KLHL20: variants seen among roughly 807,000 people sequenced by gnomAD.
The protein encoded by KLHL20 is kelch-like protein 20.
In KLHL20, 29 loss-of-function variants were observed where a neutral mutation model predicts 69.5. That is an observed-to-expected ratio of 0.42 (90% CI 0.31 to 0.57). KLHL20 has a LOEUF of 0.57. Ranked by LOEUF, KLHL20 falls within the 20% of genes least tolerant of loss-of-function variation. The pLI is 0.18. For synonymous variants in KLHL20, 253 were observed against 265.2 expected, an observed-to-expected ratio of 0.95 and a Z score of 0.45; for missense variants, 419 against 776.0, an observed-to-expected ratio of 0.54 and a Z score of 5.47.
chr1:173,762,637 G>A (rs528598259), intron 7 of KLHL20, among the ~76,000 whole-genome samples: 18 of 152,250 alleles, frequency 1.2e-4, no homozygotes, highest in African/African-American at 4.1e-4. Flanking sequence ...AAAATCACAT[G>A]GTCATGTCAA....
rs377119958 is a variant in KLHL20 at position 173,755,894 on chromosome 1, T to C, written c.852-29T>C. ...TTAACTAACAATGTAATTTAGATATTTGGAATAAAGGCAGAATTTTTTCTA... is the reference window on the plus strand; with the variant it reads ...TTAACTAACAATGTAATTTAGATATCTGGAATAAAGGCAGAATTTTTTCTA... On this transcript the variant is annotated intron_variant, in intron 5 of 11. Transcript: ENST00000209884. The C allele has an allele frequency of 4.2e-6, 6 of 1,439,536 alleles. No individual in the cohort carries two copies. The African/African-American group carries it at 8.5e-5, about 20-fold the overall frequency. The allele number at this position is 1,439,536 out of a possible 1,614,324, so 89.2% of individuals were successfully genotyped here.
chr1:173,751,088 C>T (rs1160181649), intron 3 of KLHL20, among the ~76,000 whole-genome samples: 1 of 152,062 alleles, frequency 6.6e-6, no homozygotes, highest in African/African-American at 2.4e-5. Flanking sequence ...CTTTCCTCTG[C>T]GTTGCACCCT....
intron 3 of KLHL20, among the ~76,000 whole-genome samples, chr1:173,751,394 T>C (rs922870721): frequency 2.6e-5 from 4 of 152,210 alleles, no homozygotes; most frequent in African/African-American, 2.4e-5. Flanking sequence ...TTTTCTGCCC[T>C]AGACACTGCC....
intron 2 of KLHL20, among the ~76,000 whole-genome samples, chr1:173,724,899 T>C (rs1028526749): frequency 6.6e-6 from 1 of 152,210 alleles, no homozygotes; most frequent in Admixed American, 6.5e-5. Flanking sequence ...TACTTAAAGG[T>C]AATTCTGAAA....
Position 173,774,507 on chromosome 1 carries a change from A to G in KLHL20, c.1429+69A>G, listed in dbSNP as rs1648325515. 3.9e-6 allele frequency: 6 copies of G among 1,532,940 alleles called. No individual in the cohort carries two copies. The African/African-American group carries it at 4.1e-5, about 10-fold the overall frequency. The allele number at this position is 1,532,940 out of a possible 1,614,324, so 95.0% of individuals were successfully genotyped here. On this transcript the variant is annotated intron_variant, in intron 9 of 11. Coordinates refer to ENST00000209884, the MANE Select transcript of KLHL20 (RefSeq NM_014458.4). ...ATTTTCCTGGAGAGTCCTCCTACAA[A>G]ACGTGTAGAAACTCCAGGTTATCCT...
chr1:173,717,239 A>G (rs1671509769), intron 2 of KLHL20, among the ~76,000 whole-genome samples: 1 of 152,218 alleles, frequency 6.6e-6, no homozygotes, highest in Admixed American at 6.5e-5. Flanking sequence ...AGAGCTTATT[A>G]TTTTTTAAAA....
intron 10 of KLHL20, 127 bp downstream of exon 10, chr1:173,775,969 A>G: frequency 1.4e-6 from 1 of 728,572 alleles, no homozygotes; most frequent in Non-Finnish European, 2.3e-6. Flanking sequence ...ACCTAGCAGT[A>G]AGATTGCTGG....
In KLHL20 at chr1:173,727,206, G is replaced by GA. The variant is rs757738068; in HGVS notation, c.24-6496dup. Among the ~76,000 whole-genome samples, 438 of 142,532 alleles carry GA rather than the reference G, an allele frequency of 3.1e-3. 1 individual carries two copies. The highest frequency in any genetic ancestry group is 0.014 in the Middle Eastern group (4 of 280). The allele number at this position is 142,532 out of a possible 152,430, so 93.5% of individuals were successfully genotyped here. A position where few individuals can be genotyped will look rare whatever the true frequency, so the allele number is the denominator to read the frequency against. ...AAGAGAAGTTTAGAGAAAAAAGAAT[G>GA]AAAAAAAAAAACGAGCAAAGCCTCC... On this transcript the variant is annotated intron_variant, in intron 2 of 11. Coordinates refer to ENST00000209884, the MANE Select transcript of KLHL20 (RefSeq NM_014458.4).
At chr1:173,751,729 A>G (rs764252328) in intron 3 of KLHL20, 35 bp from the exon 4 acceptor site, 2 of 1,604,352 alleles carry the variant, frequency 1.2e-6, no homozygotes, top group South Asian at 1.1e-5. Context: ...ATGTGATCAC[A>G]GGATTTTTTT....
In KLHL20 at chr1:173,751,910, T is replaced by C; in HGVS notation, c.744T>C (p.Pro248=). Residue 248 remains proline (P), a synonymous_variant, in exon 4 of 12, where the codon CCT becomes CCC. Coordinates refer to ENST00000209884, the MANE Select transcript of KLHL20 (RefSeq NM_014458.4). ...AATACAGTATTCAGGAAAGACGTCC[T>C]CAATTACCCCAGGTAATGATAGAAA... The part of the protein sequence containing the change: ...WVKYSIQERR[P]QLPQVLQHVR... 6.2e-7 allele frequency: 1 copy of C among 1,613,788 alleles called. No homozygotes were observed. Among genetic ancestry groups the C allele is most frequent in the Non-Finnish European group, 8.5e-7 (1 of 1,179,862 alleles).
rs1647712799 is a variant in KLHL20, at chr1:173,766,428, T to C, written c.1295+139T>C. The stretch of plus-strand genomic sequence containing the variant: ...GGAAGGCCAAGGCAGGTGGATTGCT[T>C]GAACTCAGGAGTTCGAGACCAGCCT... On this transcript the variant is annotated intron_variant, in intron 8 of 11. Coordinates refer to ENST00000209884, the MANE Select transcript of KLHL20 (RefSeq NM_014458.4). 10 of 549,428 alleles carry C rather than the reference T, an allele frequency of 1.8e-5. No homozygotes were observed. In the East Asian group the frequency reaches 3.5e-4, roughly 19 times the overall value. The allele number at this position is 549,428 out of a possible 1,614,324, so 34.0% of individuals were successfully genotyped here. A position where few individuals can be genotyped will look rare whatever the true frequency, so the allele number is the denominator to read the frequency against.
At chr1:173,753,385 C>G in intron 5 of KLHL20, 78 bp downstream of exon 5, 1 of 1,056,918 alleles carries the variant, frequency 9.5e-7, no homozygotes, top group South Asian at 1.3e-5. Context: ...TGTATTGCTT[C>G]CTAAATATTG....
At chr1:173,762,435 A>G (rs1647370716) in intron 7 of KLHL20, among the ~76,000 whole-genome samples, 1 of 152,230 alleles carries the variant, frequency 6.6e-6, no homozygotes, top group South Asian at 2.1e-4. Flanking sequence ...ACTAAAAAAG[A>G]AAACTACAGA....
At chr1:173,773,613 C>T (rs962757743) in intron 8 of KLHL20, among the ~76,000 whole-genome samples, 10 of 151,928 alleles carry the variant, frequency 6.6e-5, no homozygotes, top group African/African-American at 1.9e-4. Flanking sequence ...ATCACCCCCA[C>T]TACAACGACT....
chr1:173,773,749 C>T (rs1016455554), intron 8 of KLHL20, among the ~76,000 whole-genome samples: 6 of 151,734 alleles, frequency 4.0e-5, no homozygotes, highest in African/African-American at 1.5e-4. Flanking sequence ...CACGGTCACT[C>T]ACGCCTGTAA....
chr1:173,754,461 G>A (rs1673447666), intron 5 of KLHL20, among the ~76,000 whole-genome samples: 1 of 151,934 alleles, frequency 6.6e-6, no homozygotes, highest in Admixed American at 6.6e-5. Flanking sequence ...GTGCATGCCT[G>A]TAATCCCAGC....
intron 10 of KLHL20, among the ~76,000 whole-genome samples, chr1:173,780,631 T>G (rs556734910): frequency 1.3e-5 from 2 of 152,096 alleles, no homozygotes; most frequent in Admixed American, 1.3e-4. Flanking sequence ...TTAAAAATTA[T>G]CCAGATGTAG....
In KLHL20 at chr1:173,785,923, T is replaced by A. The variant is rs1165573979; in HGVS notation, c.*676T>A. On this transcript the variant is annotated 3_prime_UTR_variant, in exon 12 of 12. Transcript: ENST00000209884. ...TTTATTTAGTCTTTTTTTCATAATA[T>A]TCTCATAGAGTTTCTGCTAGATCTA... 6.6e-6 allele frequency: 1 copy of A among 152,182 alleles called. No homozygotes were observed. Among genetic ancestry groups the A allele is most frequent in the African/African-American group, 2.4e-5 (1 of 41,456 alleles). 9.4% of individuals were successfully genotyped at this position (152,182 alleles called of 1,614,324 possible).
In KLHL20 at chr1:173,774,313, C is replaced by G. The variant is rs1244081094; in HGVS notation, c.1304C>G (p.Pro435Arg). ...SCLNIVERYDPKENKWTRVAS... is the reference protein window; with the variant it reads ...SCLNIVERYDRKENKWTRVAS... ...GGTTTCCCTCACTGCAGGTATGATC[C>G]GAAGGAGAACAAGTGGACTCGGGTA... Residue 435 changes from proline (P) to arginine (R), a missense_variant, in exon 9 of 12, where the codon CCG becomes CGG. By Grantham distance (103) the Pro-to-Arg change is moderately radical. Transcript: ENST00000209884. 1 of 1,614,038 alleles carries G rather than the reference C, an allele frequency of 6.2e-7. No individual in the cohort carries two copies. The highest frequency in any genetic ancestry group is 8.5e-7 in the Non-Finnish European group (1 of 1,179,996).
Sources: allele counts gnomAD v4.1 joint callset (sites outside exome capture counted in the v4.1 genomes callset), GRCh38; gene constraint gnomAD v4.1.1; transcripts MANE v1.5; gene names NCBI Gene and HGNC (gene_info 2026-07-23, HGNC 2026-07-21).